Variants in RPAP2 observed in about 807,000 individuals in gnomAD.
RPAP2 encodes putative RNA polymerase II subunit B1 CTD phosphatase RPAP2.
A neutral mutation model predicts 73.1 loss-of-function variants in RPAP2; 52 were observed. That is an observed-to-expected ratio of 0.71 (90% CI 0.57 to 0.90). RPAP2 has a LOEUF of 0.90. Among genes scored for constraint, RPAP2 ranks in the 40% least tolerant of loss-of-function variants. The pLI is 0.00. For synonymous variants in RPAP2, 225 were observed against 242.1 expected (o/e 0.93, Z 0.65); for missense variants, 598 against 701.8 (o/e 0.85, Z 1.67).
intron 10 of RPAP2, among the ~76,000 whole-genome samples, chr1:92,342,458 A>G (rs1178724383): frequency 2.0e-5 from 3 of 152,206 alleles, no homozygotes; most frequent in Non-Finnish European, 4.4e-5. Flanking sequence ...TAGGCCTTGT[A>G]GCTATGATCA....
intron 9 of RPAP2, 94 bp downstream of exon 9, chr1:92,333,567 A>T (rs1267653481): frequency 1.2e-5 from 10 of 840,826 alleles, no homozygotes; most frequent in Non-Finnish European, 9.6e-6. Flanking sequence ...CAGATTTTGA[A>T]CATTTTGAAA....
In RPAP2 at chr1:92,382,006, G is replaced by A. The variant is rs1335682544; in HGVS notation, c.1838+1133G>A. Among the ~76,000 whole-genome samples the A allele has an allele frequency of 2.0e-5, 3 of 149,388 alleles. No homozygotes were observed. In the East Asian group the frequency reaches 5.9e-4, roughly 29 times the overall value. On this transcript the variant is annotated intron_variant, in intron 12 of 12. Transcript: ENST00000610020. ...CTTTGTTCAATTCCCACCTATGAGT[G>A]AGAACATGCGGTGTTTGGTTTTTTG...
chr1:92,308,161 G>A (rs982267212), intron 6 of RPAP2, among the ~76,000 whole-genome samples: 8 of 151,982 alleles, frequency 5.3e-5, no homozygotes, highest in Non-Finnish European at 8.8e-5. Context: ...CATCAATTAT[G>A]CTGACAACAG....
intron 11 of RPAP2, among the ~76,000 whole-genome samples, chr1:92,374,595 T>C (rs1655309512): frequency 6.6e-6 from 1 of 152,150 alleles, no homozygotes; most frequent in African/African-American, 2.4e-5. Context: ...ATCCCAATAG[T>C]AAGTAGCATC....
Position 92,391,444 on chromosome 1 carries a change from T to G in RPAP2, c.*4433T>G, listed in dbSNP as rs1427385621. ...AAGTGAAAGCAGGAGTGATCTAAAA[T>G]CAACACCCTAACATCACAATTAAAA... On this transcript the variant is annotated 3_prime_UTR_variant, in exon 13 of 13. Transcript: ENST00000610020. 1.3e-5 allele frequency: 2 copies of G among 151,962 alleles called. No homozygotes were observed. Among genetic ancestry groups the G allele is most frequent in the African/African-American group, 4.8e-5 (2 of 41,344 alleles). The allele number at this position is 151,962 out of a possible 1,614,324, so 9.4% of individuals were successfully genotyped here.
intron 12 of RPAP2, 129 bp from the exon 13 acceptor site, chr1:92,386,882 T>C: frequency 1.6e-6 from 1 of 618,056 alleles, no homozygotes; most frequent in Non-Finnish European, 2.6e-6. Context: ...TTGGGTTTTT[T>C]TGTATTTTTA....
chr1:92,373,770 A>AAAAAAAAT (rs1557630371), intron 11 of RPAP2, among the ~76,000 whole-genome samples: 1 of 138,328 alleles, frequency 7.2e-6, no homozygotes, highest in Non-Finnish European at 1.6e-5. Context: ...AAAAAAAAAA[A>AAAAAAAAT]GTAGCCAGGC....
In RPAP2 at chr1:92,390,044, A is replaced by C. The variant is rs934678714; in HGVS notation, c.*3033A>C. ...CATTCAAATTCAGGAAATACAGAGA[A>C]CACCACAAAGATACTCCTCAAGAAG... On this transcript the variant is annotated 3_prime_UTR_variant, in exon 13 of 13. Transcript: ENST00000610020. 8.5e-5 allele frequency: 13 copies of C among 152,356 alleles called. No individual in the cohort carries two copies. Among genetic ancestry groups the C allele is most frequent in the Middle Eastern group, 3.4e-3 (1 of 294 alleles). 9.4% of individuals were successfully genotyped at this position (152,356 alleles called of 1,614,324 possible). A position where few individuals can be genotyped will look rare whatever the true frequency, so the allele number is the denominator to read the frequency against.
intron 8 of RPAP2, among the ~76,000 whole-genome samples, chr1:92,331,366 A>G (rs1344788604): frequency 1.3e-5 from 2 of 152,164 alleles, no homozygotes; most frequent in Non-Finnish European, 2.9e-5. Context: ...TTTGGGTTTA[A>G]ATCTACCATC....
chr1:92,363,119 T>A (rs1200700840), intron 11 of RPAP2, among the ~76,000 whole-genome samples: 1 of 151,866 alleles, frequency 6.6e-6, no homozygotes, highest in Non-Finnish European at 1.5e-5. Flanking sequence ...TTTGAAGGAG[T>A]CTATGAACCC....
intron 3 of RPAP2, 145 bp downstream of exon 3, chr1:92,301,735 A>T (rs6604089): frequency 0.85 from 340,615 of 402,332 alleles, 145,432 homozygotes; most frequent in East Asian, 1. Flanking sequence ...TCATGCATTT[A>T]AAAATAAACA....
chr1:92,383,531 A>G (rs1479452006), intron 12 of RPAP2, among the ~76,000 whole-genome samples: 1 of 152,194 alleles, frequency 6.6e-6, no homozygotes, highest in Non-Finnish European at 1.5e-5. Context: ...CTTTGAAGCA[A>G]TTGTGAATGG....
intron 12 of RPAP2, among the ~76,000 whole-genome samples, chr1:92,382,414 C>A (rs1312136990): frequency 6.6e-6 from 1 of 152,186 alleles, no homozygotes; most frequent in Non-Finnish European, 1.5e-5. Context: ...TATTTCTCCA[C>A]ATCCTCTCCA....
intron 3 of RPAP2, among the ~76,000 whole-genome samples, chr1:92,303,191 T>C (rs1459322442): frequency 6.6e-6 from 1 of 152,216 alleles, no homozygotes; most frequent in East Asian, 1.9e-4. Flanking sequence ...TAGATCTTTT[T>C]CTAAACAGGA....
intron 7 of RPAP2, among the ~76,000 whole-genome samples, chr1:92,323,192 G>A (rs1055326116): frequency 2.7e-5 from 4 of 149,848 alleles, no homozygotes; most frequent in African/African-American, 9.8e-5. Context: ...AATAATTGGG[G>A]GAAAAAGATG....
intron 11 of RPAP2, among the ~76,000 whole-genome samples, chr1:92,374,988 A>G (rs1655327680): frequency 6.6e-6 from 1 of 152,162 alleles, no homozygotes; most frequent in South Asian, 2.1e-4. Context: ...TAATAAATAA[A>G]TAAAAATAAA....
Position 92,330,282 on chromosome 1 carries a change from G to A in RPAP2, c.1456-3109G>A, listed in dbSNP as rs185743395. ...TATAATTTTCCTTTCTTGTAATATC[G>A]TTATCAGGTTTTGGTTGTAATCATT... On this transcript the variant is annotated intron_variant, in intron 8 of 12. Transcript: ENST00000610020. Among the ~76,000 whole-genome samples the A allele has an allele frequency of 2.1e-3, 322 of 152,134 alleles. 2 individuals carry two copies. Among genetic ancestry groups the A allele is most frequent in the African/African-American group, 6.6e-3 (274 of 41,500 alleles).
intron 11 of RPAP2, among the ~76,000 whole-genome samples, chr1:92,356,199 A>T (rs1026978465): frequency 5.3e-5 from 8 of 151,806 alleles, no homozygotes; most frequent in African/African-American, 1.9e-4. Flanking sequence ...GCTGGTCTCA[A>T]CTCCTGGTTT....
At chr1:92,369,953 C>T (rs1280701318) in intron 11 of RPAP2, among the ~76,000 whole-genome samples, 8 of 152,138 alleles carry the variant, frequency 5.3e-5, no homozygotes, top group Non-Finnish European at 1.2e-4. Flanking sequence ...GGTGCGATCT[C>T]GGCTTACTGC....
Sources: allele counts gnomAD v4.1 joint callset (sites outside exome capture counted in the v4.1 genomes callset), GRCh38; gene constraint gnomAD v4.1.1; transcripts MANE v1.5; gene names NCBI Gene and HGNC (gene_info 2026-07-23, HGNC 2026-07-21).